Variants in DLGAP2 observed in about 807,000 individuals in gnomAD.
The protein encoded by DLGAP2 is disks large-associated protein 2.
DLGAP2 carries 26 observed loss-of-function variants against 100.3 expected under a neutral mutation model. The ratio of observed to expected loss-of-function variants is 0.26; its 90% CI spans 0.19 to 0.36. The LOEUF is 0.36. Among genes scored for constraint, DLGAP2 ranks in the 10% least tolerant of loss-of-function variants. DLGAP2 has a pLI of 1.00. For missense variants in DLGAP2, 1,858 were observed against 1,453.2 expected, an observed-to-expected ratio of 1.28 and a Z score of -4.53; for synonymous variants, 886 against 630.1, an observed-to-expected ratio of 1.41 and a Z score of -6.08.
chr8:1,307,008 C>T (rs1023159845), intron 3 of DLGAP2, among the ~76,000 whole-genome samples: 1 of 151,832 alleles, frequency 6.6e-6, no homozygotes, highest in Non-Finnish European at 1.5e-5. Context: ...ACCAAAAGTA[C>T]AAGCAACAAA....
At chr8:1,558,860 CATACACAT>C (rs59515000) in intron 5 of DLGAP2, among the ~76,000 whole-genome samples, 53,258 of 151,594 alleles carry the variant, frequency 0.35, 10,112 homozygotes, top group East Asian at 0.48. Flanking sequence ...TGCACACACA[CATACACAT>C]ATACGTACTT....
intron 3 of DLGAP2, among the ~76,000 whole-genome samples, chr8:1,261,737 C>T (rs184238292): frequency 1.3e-3 from 194 of 152,342 alleles, no homozygotes; most frequent in African/African-American, 4.5e-3. Flanking sequence ...TTTCCCAAAG[C>T]ACTGTCATAT....
At chr8:921,988 G>A (rs531808860) in intron 2 of DLGAP2, among the ~76,000 whole-genome samples, 1 of 152,240 alleles carries the variant, frequency 6.6e-6, no homozygotes, top group Non-Finnish European at 1.5e-5. Context: ...TTTCTGAAAC[G>A]GCAAATATCT....
chr8:1,520,891 G>C (rs1424667058), intron 4 of DLGAP2, among the ~76,000 whole-genome samples: 14 of 152,182 alleles, frequency 9.2e-5, no homozygotes. Context: ...GTGATTGCTG[G>C]ACTGCATGGT....
At chr8:1,225,546 G>A (rs1240514336) in intron 2 of DLGAP2, among the ~76,000 whole-genome samples, 1 of 152,126 alleles carries the variant, frequency 6.6e-6, no homozygotes, top group Non-Finnish European at 1.5e-5. Flanking sequence ...GCCACTACAT[G>A]GATCCCGTCA....
chr8:1,575,482 A>ATTATTATTATTATTATTATT (rs1445389793), intron 6 of DLGAP2, among the ~76,000 whole-genome samples: 2 of 149,120 alleles, frequency 1.3e-5, no homozygotes, highest in East Asian at 2.0e-4. Context: ...TATTATTATT[A>ATTATTATTATTATTATTATT]TTATTATTTA....
intron 2 of DLGAP2, among the ~76,000 whole-genome samples, chr8:1,171,816 A>C (rs1303328712): frequency 1.3e-5 from 2 of 152,092 alleles, no homozygotes; most frequent in South Asian, 2.1e-4. Flanking sequence ...TAACACACTG[A>C]TGGGTCTTGA....
chr8:748,507 C>A (rs1820709892), intron 1 of DLGAP2, among the ~76,000 whole-genome samples: 1 of 152,170 alleles, frequency 6.6e-6, no homozygotes, highest in East Asian at 1.9e-4. Context: ...AGGAGGAAGC[C>A]CTTACCTGGC....
chr8:1,189,396 C>T (rs182654704), intron 2 of DLGAP2, among the ~76,000 whole-genome samples: 1 of 152,302 alleles, frequency 6.6e-6, no homozygotes, highest in African/African-American at 2.4e-5. Flanking sequence ...GACACTGAAC[C>T]ATCTGGAGTG....
chr8:1,413,242 A>G (rs182932582), intron 3 of DLGAP2, among the ~76,000 whole-genome samples: 4 of 152,148 alleles, frequency 2.6e-5, no homozygotes, highest in Admixed American at 2.0e-4. Context: ...CTATTTATTT[A>G]TAGTATTTTT....
At chr8:1,241,261 GTTCTCTCACATGGCTCCGTGTCTCA>G (rs1230041475) in intron 2 of DLGAP2, among the ~76,000 whole-genome samples, 2 of 132,070 alleles carry the variant, frequency 1.5e-5, no homozygotes, top group East Asian at 4.4e-4. Context: ...ACCATGTCTA[GTTCTCTCACATGGCTCCGTGTCTCA>G]TTCTCTCACA....
intron 3 of DLGAP2, among the ~76,000 whole-genome samples, chr8:1,380,790 C>T (rs1476535285): frequency 1.3e-5 from 2 of 151,906 alleles, no homozygotes; most frequent in Non-Finnish European, 1.5e-5. Context: ...AAAAAAGTGA[C>T]ATTGAACTCA....
At chr8:1,668,737 G>C in intron 9 of DLGAP2, 59 bp downstream of exon 9, 1 of 1,428,074 alleles carries the variant, frequency 7.0e-7, no homozygotes, top group Non-Finnish European at 9.2e-7. Context: ...CAATAGCCTA[G>C]AATAAGCCAA....
intron 1 of DLGAP2, among the ~76,000 whole-genome samples, chr8:771,724 C>T (rs1821366189): frequency 6.6e-6 from 1 of 152,202 alleles, no homozygotes; most frequent in East Asian, 1.9e-4. Context: ...AATATTTATC[C>T]TCAGAAGCTC....
At chr8:946,563 C>T (rs576294266) in intron 2 of DLGAP2, among the ~76,000 whole-genome samples, 11 of 152,154 alleles carry the variant, frequency 7.2e-5, no homozygotes, top group African/African-American at 1.4e-4. Context: ...GCGCCCGGCC[C>T]GTTCCTTAGT....
rs150453072 is a variant in DLGAP2 at position 1,411,489 on chromosome 8, C to G, written c.107-89877C>G. Among the ~76,000 whole-genome samples the G allele has an allele frequency of 3.5e-3, 529 of 152,328 alleles. 9 individuals are homozygous for G. In the East Asian group the frequency reaches 0.047, roughly 14 times the overall value. Reference sequence around the variant, plus strand: ...GATATAACTCCATCCTGCTTGCCTCCGGCTCCCTAGCCTGGTGACATTGGC... The same window carrying G: ...GATATAACTCCATCCTGCTTGCCTCGGGCTCCCTAGCCTGGTGACATTGGC... On this transcript the variant is annotated intron_variant, in intron 3 of 14. Transcript: ENST00000637795.
At chr8:925,153 G>T (rs1341417442) in intron 2 of DLGAP2, among the ~76,000 whole-genome samples, 1 of 151,930 alleles carries the variant, frequency 6.6e-6, no homozygotes, top group Non-Finnish European at 1.5e-5. Context: ...TGCTTTTAGA[G>T]AAGAAATCTT....
intron 2 of DLGAP2, among the ~76,000 whole-genome samples, chr8:996,042 C>A (rs1800774558): frequency 6.6e-6 from 1 of 152,184 alleles, no homozygotes; most frequent in African/African-American, 2.4e-5. Context: ...AGTTACTTAT[C>A]TGGAATTAGA....
At chr8:879,520 C>G (rs532706683) in intron 1 of DLGAP2, among the ~76,000 whole-genome samples, 1 of 152,288 alleles carries the variant, frequency 6.6e-6, no homozygotes, top group African/African-American at 2.4e-5. Flanking sequence ...AGGTTAGAGT[C>G]ATTACCATCT....
Sources: gnomAD v4.1 joint callset for allele counts (sites outside exome capture counted in the v4.1 genomes callset) on GRCh38, gnomAD v4.1.1 for gene constraint, MANE v1.5 for transcripts, NCBI Gene and HGNC (gene_info 2026-07-23, HGNC 2026-07-21) for gene names.